GRIN2A: variants seen among roughly 807,000 people sequenced by gnomAD.
The protein encoded by GRIN2A is glutamate receptor ionotropic, NMDA 2A.
In GRIN2A, 22 loss-of-function variants were observed where a neutral mutation model predicts 113.4. The ratio of observed to expected loss-of-function variants is 0.19; its 90% CI spans 0.14 to 0.28. The LOEUF is 0.28. Among genes scored for constraint, GRIN2A ranks in the 10% least tolerant of loss-of-function variants. The probability of loss-of-function intolerance (pLI) is 1.00; values close to 1 mark genes in which losing one functional copy is unlikely to be tolerated. For synonymous variants in GRIN2A, 827 were observed against 738.4 expected (o/e 1.12, Z -1.94); for missense variants, 1,502 against 1,887.0 (o/e 0.80, Z 3.78).
intron 2 of GRIN2A, among the ~76,000 whole-genome samples, chr16:10,099,139 T>C (rs2048348591): frequency 1.3e-5 from 2 of 152,302 alleles, no homozygotes; most frequent in South Asian, 4.1e-4. Flanking sequence ...GCATCTGACC[T>C]ATGATTTTTT....
chr16:10,101,728 T>C (rs1313181761), intron 2 of GRIN2A, among the ~76,000 whole-genome samples: 1 of 152,202 alleles, frequency 6.6e-6, no homozygotes, highest in East Asian at 1.9e-4. Flanking sequence ...TGGAAATTGC[T>C]ATATATCTCA....
At chr16:9,987,065 C>T (rs1038760479) in intron 2 of GRIN2A, among the ~76,000 whole-genome samples, 2 of 152,102 alleles carry the variant, frequency 1.3e-5, no homozygotes, top group Non-Finnish European at 2.9e-5. Flanking sequence ...GCAGGAGGTC[C>T]ATAGACTCCA....
At chr16:9,929,271 G>T (rs1351552086) in intron 3 of GRIN2A, among the ~76,000 whole-genome samples, 1 of 150,184 alleles carries the variant, frequency 6.7e-6, no homozygotes, top group East Asian at 1.9e-4. Flanking sequence ...TGCCTACTGA[G>T]ATTTCCACTT....
intron 2 of GRIN2A, among the ~76,000 whole-genome samples, chr16:9,940,061 AGTGT>A (rs56116543): frequency 7.3e-4 from 104 of 143,004 alleles, no homozygotes; most frequent in African/African-American, 2.6e-3. Flanking sequence ...AGAGAGAGAG[AGTGT>A]GTGTGTGTGT....
chr16:9,785,360 G>A lies in GRIN2A; in HGVS notation c.2356+12917C>T, dbSNP rs184712994. On this transcript the variant is annotated intron_variant, in intron 11 of 12. Transcript: ENST00000330684. Reference sequence around the variant, plus strand: ...AAGGACAAAAAACCAAACACCACATGTTCTTACTCATAGGTGGGAATTGAA... The same window carrying A: ...AAGGACAAAAAACCAAACACCACATATTCTTACTCATAGGTGGGAATTGAA... 1.0e-3 allele frequency among the ~76,000 whole-genome samples: 146 copies of A among 146,676 alleles called. 1 individual carries two copies. Among genetic ancestry groups the A allele is most frequent in the African/African-American group, 3.3e-3 (129 of 39,674 alleles).
At chr16:9,798,862 G>A (rs1398870733) in intron 10 of GRIN2A, among the ~76,000 whole-genome samples, 1 of 152,120 alleles carries the variant, frequency 6.6e-6, no homozygotes, top group South Asian at 2.1e-4. Context: ...AAGGGGAAAG[G>A]AACTAAATAG....
At chr16:9,843,189 C>T (rs999862570) in intron 5 of GRIN2A, among the ~76,000 whole-genome samples, 2 of 151,720 alleles carry the variant, frequency 1.3e-5, no homozygotes, top group African/African-American at 4.8e-5. Context: ...TTCTTTTTTA[C>T]ATTTTTAGGG....
intron 11 of GRIN2A, among the ~76,000 whole-genome samples, chr16:9,793,758 T>C (rs1348255916): frequency 6.6e-6 from 1 of 152,150 alleles, no homozygotes; most frequent in African/African-American, 2.4e-5. Flanking sequence ...AATATATATG[T>C]ATGTATATAT....
intron 11 of GRIN2A, among the ~76,000 whole-genome samples, chr16:9,780,687 G>A (rs1456163362): frequency 6.6e-6 from 1 of 152,186 alleles, no homozygotes; most frequent in Non-Finnish European, 1.5e-5. Flanking sequence ...GCAATATAAC[G>A]AATGTATGTC....
Position 10,022,325 on chromosome 16 carries a change from G to A in GRIN2A, c.415-83774C>T, listed in dbSNP as rs59230105. On this transcript the variant is annotated intron_variant, in intron 2 of 12. Transcript: ENST00000330684. ...TGCATGCACATATTCACACACACAC[G>A]CACACACGCAAGCACGCACATACGT... Among the ~76,000 whole-genome samples, 340 of 149,490 alleles carry A rather than the reference G, an allele frequency of 2.3e-3. 4 individuals carry two copies. In the East Asian group the frequency reaches 0.025, roughly 11 times the overall value.
At chr16:9,800,200 C>T (rs551854868) in intron 10 of GRIN2A, among the ~76,000 whole-genome samples, 1 of 152,092 alleles carries the variant, frequency 6.6e-6, no homozygotes, top group African/African-American at 2.4e-5. Context: ...GTCTTGAACT[C>T]CTGGCCTCAA....
intron 2 of GRIN2A, among the ~76,000 whole-genome samples, chr16:10,113,859 A>G (rs1312664505): frequency 6.6e-6 from 1 of 152,168 alleles, no homozygotes. Context: ...TAACAAATTT[A>G]AAAGACTATT....
At chr16:10,054,187 A>G (rs1042012390) in intron 2 of GRIN2A, among the ~76,000 whole-genome samples, 27 of 152,228 alleles carry the variant, frequency 1.8e-4, no homozygotes, top group Admixed American at 1.5e-3. Flanking sequence ...GAAGCCAAAT[A>G]AAACTATAAG....
At chr16:9,902,958 T>TGGGGGG (rs2043957460) in intron 3 of GRIN2A, among the ~76,000 whole-genome samples, 2 of 35,760 alleles carry the variant, frequency 5.6e-5, no homozygotes, top group African/African-American at 3.3e-4. Context: ...TTTTTTTTTT[T>TGGGGGG]TGGCGGGGGG....
chr16:10,017,216 C>T (rs976275500), intron 2 of GRIN2A, among the ~76,000 whole-genome samples: 1 of 152,130 alleles, frequency 6.6e-6, no homozygotes, highest in East Asian at 1.9e-4. Flanking sequence ...TTAAAAGGAA[C>T]CTTATGAGGA....
At chr16:10,053,646 G>T (rs762229775) in intron 2 of GRIN2A, among the ~76,000 whole-genome samples, 5 of 152,168 alleles carry the variant, frequency 3.3e-5, no homozygotes, top group Non-Finnish European at 5.9e-5. Flanking sequence ...GCCAGGATTA[G>T]ACCACTTTGC....
At chr16:9,821,763 G>T (rs2042289384) in intron 10 of GRIN2A, among the ~76,000 whole-genome samples, 1 of 152,108 alleles carries the variant, frequency 6.6e-6, no homozygotes, top group Non-Finnish European at 1.5e-5. Context: ...AGACAGAGAG[G>T]AATGCTAACT....
chr16:10,086,627 GGAAACAGA>G (rs2048091065), intron 2 of GRIN2A, among the ~76,000 whole-genome samples: 1 of 138,020 alleles, frequency 7.2e-6, no homozygotes, highest in Non-Finnish European at 1.6e-5. Context: ...AAAAAAAAAA[GGAAACAGA>G]GAAAAAAATA....
chr16:10,080,669 C>T (rs982509143), intron 2 of GRIN2A, among the ~76,000 whole-genome samples: 5 of 151,984 alleles, frequency 3.3e-5, no homozygotes, highest in African/African-American at 4.8e-5. Context: ...ACAAAGGGAG[C>T]GATGGAGTAC....
Sources: allele counts gnomAD v4.1 joint callset (sites outside exome capture counted in the v4.1 genomes callset), GRCh38; gene constraint gnomAD v4.1.1; transcripts MANE v1.5; gene names NCBI Gene and HGNC (gene_info 2026-07-23, HGNC 2026-07-21).